Variants in LRCH2 observed in about 807,000 individuals in gnomAD.
LRCH2 encodes the protein leucine rich repeats and calponin homology domain containing 2, also known as leucine-rich repeat and calponin homology domain-containing protein 2.
In LRCH2, 38 loss-of-function variants were observed where a neutral mutation model predicts 68.9. The observed-to-expected ratio is 0.55, with a 90% confidence interval of 0.43 to 0.72. The LOEUF is 0.72. Ranked by LOEUF, LRCH2 falls within the 30% of genes least tolerant of loss-of-function variation. LRCH2 has a pLI of 0.00. For synonymous variants in LRCH2, 191 were observed against 208.1 expected, an observed-to-expected ratio of 0.92 and a Z score of 0.71; for missense variants, 528 against 572.9, an observed-to-expected ratio of 0.92 and a Z score of 0.80.
chrX:115,192,181 G>A lies in LRCH2; in HGVS notation c.350-3811C>T, dbSNP rs1048498671. On this transcript the variant is annotated intron_variant, in intron 1 of 20. Transcript: ENST00000317135. Reference sequence around the variant, plus strand: ...CCATTACGGAAGAGGAGGCTGCTACGAGGAATACCAAGGCCGCTCGCCCAA... The same window carrying A: ...CCATTACGGAAGAGGAGGCTGCTACAAGGAATACCAAGGCCGCTCGCCCAA... 8 of 1,166,474 alleles carry A rather than the reference G, an allele frequency of 6.9e-6. No homozygotes were observed. In the Admixed American group the frequency reaches 1.3e-4, roughly 19 times the overall value.
rs782402267 is a variant in LRCH2 at position 115,163,055 on chromosome X, T to C, written c.1463+621A>G. Among the ~76,000 whole-genome samples the C allele has an allele frequency of 1.2e-3, 134 of 111,443 alleles. 1 individual carries two copies. In the Middle Eastern group the frequency reaches 0.014, roughly 11 times the overall value. On this transcript the variant is annotated intron_variant, in intron 11 of 20. Transcript: ENST00000317135. ...AGTACCCTTCTCATTGCCAACAACA[T>C]GTACTTGAAGAAAGCCTAGCCAAAA... is the stretch of plus-strand genomic sequence containing the variant.
At chrX:115,215,441 G>A (rs2073034750) in intron 1 of LRCH2, among the ~76,000 whole-genome samples, 1 of 110,529 alleles carries the variant, frequency 9.0e-6, no homozygotes, top group Non-Finnish European at 1.9e-5. Context: ...CAAAATAAAC[G>A]TAAAAATTAT....
intron 1 of LRCH2, among the ~76,000 whole-genome samples, chrX:115,214,717 A>C (rs1467185353): frequency 8.9e-6 from 1 of 112,127 alleles, no homozygotes; most frequent in African/African-American, 3.2e-5. Flanking sequence ...GAACCTTGAG[A>C]AGCAAAGGTG....
chrX:115,172,457 C>G (rs782787825), intron 5 of LRCH2, among the ~76,000 whole-genome samples: 1 of 112,196 alleles, frequency 8.9e-6, no homozygotes, highest in East Asian at 2.8e-4. Context: ...GTCTAGAACA[C>G]AGCAAATACT....
chrX:115,164,801 T>C (rs12216983), intron 10 of LRCH2, among the ~76,000 whole-genome samples: 2,852 of 110,909 alleles, frequency 0.026, 39 homozygotes, highest in South Asian at 0.049. Context: ...TGGTATATGG[T>C]AGGTATTCAC....
In LRCH2 at chrX:115,174,601, CCA is replaced by C. The variant is rs59364428; in HGVS notation, c.865-4171_865-4170del. Among the ~76,000 whole-genome samples the C allele has an allele frequency of 7.1e-3, 470 of 66,406 alleles. 2 individuals are homozygous for C. Among genetic ancestry groups the C allele is most frequent in the East Asian group, 0.024 (38 of 1,592 alleles). The allele number at this position is 66,406 out of a possible 115,157, so 57.7% of individuals were successfully genotyped here. On this transcript the variant is annotated intron_variant, in intron 5 of 20. Transcript: ENST00000317135. ...ATTACACACAAACACACCCCCCCCCCCACACACACACACACACTATATTTTCT... is the reference window on the plus strand; with the variant it reads ...ATTACACACAAACACACCCCCCCCCCCACACACACACACACTATATTTTCT...
intron 1 of LRCH2, chrX:115,190,645 G>T: frequency 8.6e-7 from 1 of 1,157,079 alleles, no homozygotes; most frequent in South Asian, 1.9e-5. Context: ...CGCCCACAGC[G>T]GGGGCCGCAA....
chrX:115,174,302 T>G lies in LRCH2; in HGVS notation c.865-3870A>C, dbSNP rs61059707. Among the ~76,000 whole-genome samples the G allele has an allele frequency of 8.6e-3, 952 of 110,768 alleles. 9 individuals are homozygous for G. Among genetic ancestry groups the G allele is most frequent in the African/African-American group, 0.029 (896 of 30,422 alleles). ...TAACTATTATCAGCATGATATACATTAGGTCCTCAGTACTTATTCATCTTA... is the reference window on the plus strand; with the variant it reads ...TAACTATTATCAGCATGATATACATGAGGTCCTCAGTACTTATTCATCTTA... On this transcript the variant is annotated intron_variant, in intron 5 of 20. Coordinates refer to ENST00000317135, the MANE Select transcript of LRCH2 (RefSeq NM_020871.4).
At chrX:115,141,871 CAA>C (rs782180667) in intron 14 of LRCH2, among the ~76,000 whole-genome samples, 24 of 50,931 alleles carry the variant, frequency 4.7e-4, no homozygotes, top group South Asian at 8.6e-4. Context: ...AAGACTCCAC[CAA>C]AAAAAAAAAA....
intron 5 of LRCH2, among the ~76,000 whole-genome samples, chrX:115,177,288 G>A (rs1293441225): frequency 2.0e-4 from 22 of 110,073 alleles, no homozygotes; most frequent in African/African-American, 6.9e-4. Context: ...AGCTCTGTGT[G>A]CATGGGGAAG....
chrX:115,160,775 T>C (rs1556541313), intron 11 of LRCH2, among the ~76,000 whole-genome samples: 1 of 111,669 alleles, frequency 9.0e-6, no homozygotes, highest in Non-Finnish European at 1.9e-5. Context: ...AGAGAAGGTA[T>C]AAATTATATC....
At chrX:115,113,873 A>G (rs1313185127) in intron 20 of LRCH2, among the ~76,000 whole-genome samples, 1 of 111,323 alleles carries the variant, frequency 9.0e-6, no homozygotes, top group African/African-American at 3.2e-5. Context: ...TTCATTAATT[A>G]GCCCTCACCG....
chrX:115,169,033 T>G (rs2147392754), intron 6 of LRCH2, among the ~76,000 whole-genome samples: 1 of 112,298 alleles, frequency 8.9e-6, no homozygotes, highest in Non-Finnish European at 1.9e-5. Context: ...CCTTCCTAAC[T>G]TAAGGCCATG....
At chrX:115,186,126 C>T (rs1304398814) in intron 2 of LRCH2, among the ~76,000 whole-genome samples, 4 of 111,382 alleles carry the variant, frequency 3.6e-5, no homozygotes, top group Non-Finnish European at 7.5e-5. Context: ...TTTGAGAGGC[C>T]GAGGCGGGCA....
intron 20 of LRCH2, among the ~76,000 whole-genome samples, 199 bp downstream of exon 20, chrX:115,122,328 T>C (rs1042026810): frequency 1.8e-5 from 2 of 111,687 alleles, no homozygotes; most frequent in Non-Finnish European, 3.8e-5. Flanking sequence ...GTAGCTATTT[T>C]ATAAATTACT....
chrX:115,154,567 A>G (rs1556539094), intron 12 of LRCH2, among the ~76,000 whole-genome samples: 2 of 111,890 alleles, frequency 1.8e-5, no homozygotes, highest in African/African-American at 6.5e-5. Context: ...CAAACAAACA[A>G]ATTACAAAAG....
Position 115,229,500 on chromosome X carries a change from C to T in LRCH2, c.349+4193G>A, listed in dbSNP as rs782244375. ...GGTATTATCTTAATGATGAATGTACCCTTCAATTAAAGATAACATTTTATT... is the reference window on the plus strand; with the variant it reads ...GGTATTATCTTAATGATGAATGTACTCTTCAATTAAAGATAACATTTTATT... On this transcript the variant is annotated intron_variant, in intron 1 of 20. Transcript: ENST00000317135. Among the ~76,000 whole-genome samples, 6 of 111,302 alleles carry T rather than the reference C, an allele frequency of 5.4e-5. No individual in the cohort carries two copies. In the South Asian group the frequency reaches 2.3e-3, roughly 42 times the overall value.
chrX:115,125,379 C>T (rs1556527221), intron 16 of LRCH2, among the ~76,000 whole-genome samples: 1 of 89,325 alleles, frequency 1.1e-5, no homozygotes, highest in East Asian at 3.5e-4. Flanking sequence ...TGCACTCCAG[C>T]CTAGGCAACA....
chrX:115,129,623 T>A (rs782093367), intron 15 of LRCH2, among the ~76,000 whole-genome samples: 7 of 111,050 alleles, frequency 6.3e-5, no homozygotes, highest in African/African-American at 2.3e-4. Flanking sequence ...AACATCAAAT[T>A]AAATACCAAT....
Sources: gnomAD v4.1 joint callset for allele counts (sites outside exome capture counted in the v4.1 genomes callset) on GRCh38, gnomAD v4.1.1 for gene constraint, MANE v1.5 for transcripts, NCBI Gene and HGNC (gene_info 2026-07-23, HGNC 2026-07-21) for gene names.